Variants in KCTD3 observed in about 807,000 individuals in gnomAD.
KCTD3 encodes BTB/POZ domain-containing protein KCTD3.
A neutral mutation model predicts 85.8 loss-of-function variants in KCTD3; 41 were observed. That is an observed-to-expected ratio of 0.48 (90% CI 0.37 to 0.62). The LOEUF is 0.62. Among genes scored for constraint, KCTD3 ranks in the 20% least tolerant of loss-of-function variants. KCTD3 has a pLI of 0.00. For missense variants in KCTD3, 724 were observed against 989.9 expected, an observed-to-expected ratio of 0.73 and a Z score of 3.60; for synonymous variants, 338 against 345.4, an observed-to-expected ratio of 0.98 and a Z score of 0.24.
Position 215,579,981 on chromosome 1 carries a change from A to G in KCTD3, c.608A>G (p.His203Arg). Residue 203 changes from histidine to arginine, a missense_variant, in exon 8 of 18, where the codon CAT (histidine) becomes CGT (arginine). By Grantham distance (29) the His-to-Arg change is conservative. Coordinates refer to ENST00000259154, the MANE Select transcript of KCTD3 (RefSeq NM_016121.5). Reference sequence around the variant, plus strand: ...AACTGGATTGTAGCTGCATATGCCCATTTTGCTGTGTGTTACAGGTAGTGT... The same window carrying G: ...AACTGGATTGTAGCTGCATATGCCCGTTTTGCTGTGTGTTACAGGTAGTGT... The part of the protein sequence containing the change: ...HHNWIVAAYA[H>R]FAVCYRIKES... 2 of 1,609,512 alleles carry G rather than the reference A, an allele frequency of 1.2e-6. No homozygotes were observed. The highest frequency in any genetic ancestry group is 1.7e-6 in the Non-Finnish European group (2 of 1,175,904).
In KCTD3 at chr1:215,620,687, C is replaced by T. The variant is rs1411121693; in HGVS notation, c.*69C>T. 8.9e-7 allele frequency: 1 copy of T among 1,122,650 alleles called. No individual in the cohort carries two copies. The highest frequency in any genetic ancestry group is 1.3e-6 in the Non-Finnish European group (1 of 792,072). The allele number at this position is 1,122,650 out of a possible 1,614,324, so 69.5% of individuals were successfully genotyped here. ...AGTTAAACTTTACTGAATTTCAGTA[C>T]ATTAGTTTTTACACTAAAACTTTAC... On this transcript the variant is annotated 3_prime_UTR_variant, in exon 18 of 18. Transcript: ENST00000259154.
intron 9 of KCTD3, among the ~76,000 whole-genome samples, chr1:215,594,375 T>C (rs1490224929): frequency 6.6e-6 from 1 of 152,200 alleles, no homozygotes; most frequent in East Asian, 1.9e-4. Flanking sequence ...AATTCTCTGC[T>C]TAGGCATTGC....
Position 215,621,124 on chromosome 1 carries a change from G to A in KCTD3, c.*506G>A, listed in dbSNP as rs1655672029. ...GCTATGTTTGTGAAAAACATATCAT[G>A]TAATTCAAAAACACTATTGATATTG... On this transcript the variant is annotated 3_prime_UTR_variant, in exon 18 of 18. Coordinates refer to ENST00000259154, the MANE Select transcript of KCTD3 (RefSeq NM_016121.5). The A allele has an allele frequency of 6.5e-6, 1 of 153,796 alleles. No individual in the cohort carries two copies. Among genetic ancestry groups the A allele is most frequent in the Non-Finnish European group, 1.5e-5 (1 of 68,942 alleles). The allele number at this position is 153,796 out of a possible 1,614,324, so 9.5% of individuals were successfully genotyped here.
intron 9 of KCTD3, among the ~76,000 whole-genome samples, chr1:215,593,196 G>A (rs1208448573): frequency 6.6e-6 from 1 of 152,174 alleles, no homozygotes; most frequent in East Asian, 1.9e-4. Context: ...ATGCTTTGAA[G>A]TGGCAGGTTC....
intron 14 of KCTD3, among the ~76,000 whole-genome samples, chr1:215,608,852 A>G (rs565891168): frequency 4.1e-4 from 63 of 152,138 alleles, no homozygotes; most frequent in African/African-American, 1.5e-3. Flanking sequence ...AGAAAGAGAA[A>G]TATGCAGTGT....
intron 8 of KCTD3, among the ~76,000 whole-genome samples, chr1:215,581,590 C>T (rs1659826552): frequency 6.6e-6 from 1 of 152,154 alleles, no homozygotes; most frequent in Non-Finnish European, 1.5e-5. Context: ...TTTCCAGAAC[C>T]ACCACATTAT....
chr1:215,608,232 A>G (rs3767255), intron 14 of KCTD3, 60 bp downstream of exon 14: 311,803 of 1,106,214 alleles, frequency 0.28, 47,591 homozygotes, highest in South Asian at 0.5. Context: ...GAAGAAGCAT[A>G]TCAACTAATA....
intron 8 of KCTD3, among the ~76,000 whole-genome samples, chr1:215,585,987 C>G (rs898455432): frequency 6.6e-6 from 1 of 152,086 alleles, no homozygotes; most frequent in Non-Finnish European, 1.5e-5. Flanking sequence ...GACTGTCCAT[C>G]TGAAGTACAA....
intron 8 of KCTD3, among the ~76,000 whole-genome samples, chr1:215,584,081 A>T (rs1395546066): frequency 1.3e-5 from 2 of 152,204 alleles, no homozygotes; most frequent in Admixed American, 1.3e-4. Flanking sequence ...AGCCAATTCC[A>T]ATACATGCCC....
chr1:215,570,300 A>G (rs1365691442), intron 1 of KCTD3, among the ~76,000 whole-genome samples: 1 of 152,132 alleles, frequency 6.6e-6, no homozygotes, highest in East Asian at 1.9e-4. Flanking sequence ...AGAAATGACT[A>G]ATTTTTATGG....
In KCTD3 at chr1:215,574,128, A is replaced by G. The variant is rs1361810372; in HGVS notation, c.183+10A>G. On this transcript the variant is annotated intron_variant, in intron 3 of 17. Transcript: ENST00000259154. ...AGATGAAACTGGTGCTGTGAGTATAATAATAATTGATACATATTCCTAAAT... is the reference window on the plus strand; with the variant it reads ...AGATGAAACTGGTGCTGTGAGTATAGTAATAATTGATACATATTCCTAAAT... 2.6e-6 allele frequency: 4 copies of G among 1,531,222 alleles called. No individual in the cohort carries two copies. The Admixed American group carries it at 5.1e-5, about 19-fold the overall frequency. 94.9% of individuals were successfully genotyped at this position (1,531,222 alleles called of 1,614,324 possible). A position where few individuals can be genotyped will look rare whatever the true frequency, so the allele number is the denominator to read the frequency against.
At position 215,621,212 on chromosome 1, in the gene KCTD3, T is replaced by G. The variant is rs1655676218; in HGVS notation, c.*594T>G. ...GATTTTAATTTAGTCGTGCGTCATT[T>G]TCTGATTCTCATCATTGGGAGATCT... is the stretch of plus-strand genomic sequence containing the variant. On this transcript the variant is annotated 3_prime_UTR_variant, in exon 18 of 18. Coordinates refer to ENST00000259154, the MANE Select transcript of KCTD3 (RefSeq NM_016121.5). 6.6e-6 allele frequency: 1 copy of G among 152,640 alleles called. No individual in the cohort carries two copies. The highest frequency in any genetic ancestry group is 1.5e-5 in the Non-Finnish European group (1 of 68,034). The allele number at this position is 152,640 out of a possible 1,614,324, so 9.5% of individuals were successfully genotyped here.
In KCTD3 at chr1:215,620,822, G is replaced by A; in HGVS notation, c.*204G>A. On this transcript the variant is annotated 3_prime_UTR_variant, in exon 18 of 18. Coordinates refer to ENST00000259154, the MANE Select transcript of KCTD3 (RefSeq NM_016121.5). Reference sequence around the variant, plus strand: ...TTTGGAAATTTTTTTAATTTTACAAGTACATTTAACAGATCATTTATAAAG... The same window carrying A: ...TTTGGAAATTTTTTTAATTTTACAAATACATTTAACAGATCATTTATAAAG... The A allele has an allele frequency of 2.0e-6, 1 of 504,570 alleles. No homozygotes were observed. Among genetic ancestry groups the A allele is most frequent in the South Asian group, 3.8e-5 (1 of 26,210 alleles). The allele number at this position is 504,570 out of a possible 1,614,324, so 31.3% of individuals were successfully genotyped here.
chr1:215,612,922 T>C (rs1571899770), intron 15 of KCTD3, among the ~76,000 whole-genome samples: 1 of 152,146 alleles, frequency 6.6e-6, no homozygotes, highest in South Asian at 2.1e-4. Context: ...ACAAATTTTT[T>C]TGACGATGAG....
chr1:215,596,356 T>C (rs1441275204), intron 10 of KCTD3, among the ~76,000 whole-genome samples: 1 of 151,906 alleles, frequency 6.6e-6, no homozygotes, highest in Non-Finnish European at 1.5e-5. Context: ...TTGGAAGTAC[T>C]CCTTTGGAAT....
chr1:215,608,179 T>C lies in KCTD3; in HGVS notation c.1465+7T>C. ...TCCTCTGGAAATGACATAGGTGGGT[T>C]AGGTTATTTTAGGGCATTTTTAGGT... On this transcript the variant is annotated splice_region_variant and intron_variant, in intron 14 of 17. Coordinates refer to ENST00000259154, the MANE Select transcript of KCTD3 (RefSeq NM_016121.5). The C allele has an allele frequency of 6.2e-7, 1 of 1,602,106 alleles. No individual in the cohort carries two copies. Among genetic ancestry groups the C allele is most frequent in the Non-Finnish European group, 8.5e-7 (1 of 1,174,016 alleles).
intron 13 of KCTD3, 46 bp from the exon 14 acceptor site, chr1:215,607,971 T>G: frequency 6.5e-7 from 1 of 1,533,418 alleles, no homozygotes; most frequent in Admixed American, 2.1e-5. Context: ...TAAAATGAGT[T>G]TTTAAAAGTA....
chr1:215,608,296 T>C (rs1346325751), intron 14 of KCTD3, 124 bp downstream of exon 14: 1 of 594,564 alleles, frequency 1.7e-6, no homozygotes. Flanking sequence ...TTTGAAATTC[T>C]AAACAGAATT....
intron 10 of KCTD3, among the ~76,000 whole-genome samples, chr1:215,597,705 G>A (rs1654654463): frequency 6.6e-6 from 1 of 152,136 alleles, no homozygotes; most frequent in Admixed American, 6.5e-5. Flanking sequence ...GGCTAGGCTG[G>A]ACAAGAATTT....
Sources: allele counts gnomAD v4.1 joint callset (sites outside exome capture counted in the v4.1 genomes callset), GRCh38; gene constraint gnomAD v4.1.1; transcripts MANE v1.5; gene names NCBI Gene and HGNC (gene_info 2026-07-23, HGNC 2026-07-21).